HACD2: variants seen among roughly 807,000 people sequenced by gnomAD.
The protein encoded by HACD2 is 3-hydroxyacyl-CoA dehydratase 2.
Under a neutral mutation model 31.0 loss-of-function variants are expected in HACD2, and 15 were observed. The ratio of observed to expected loss-of-function variants is 0.48; its 90% CI spans 0.32 to 0.75. The LOEUF (loss-of-function observed/expected upper bound fraction) is 0.75. HACD2 is among the 30% of genes least tolerant of loss of function. HACD2 has a pLI of 0.03. For synonymous variants in HACD2, 115 were observed against 122.2 expected (o/e 0.94, Z 0.39); for missense variants, 283 against 313.0 (o/e 0.90, Z 0.72).
In HACD2 at chr3:123,533,700, C is replaced by T. The variant is rs544792813; in HGVS notation, c.293-5226G>A. Among the ~76,000 whole-genome samples the T allele has an allele frequency of 3.0e-4, 45 of 152,260 alleles. No homozygotes were observed. In the South Asian group the frequency reaches 4.1e-3, roughly 14 times the overall value. On this transcript the variant is annotated intron_variant, in intron 3 of 6. Coordinates refer to ENST00000383657, the MANE Select transcript of HACD2 (RefSeq NM_198402.5). ...ACTATTTGTTAATATTTGTGGAGCG[C>T]CTACTCTGTGCCAGATACCACTCTC...
At chr3:123,570,331 CATA>C (rs1475808011) in intron 2 of HACD2, among the ~76,000 whole-genome samples, 2 of 151,868 alleles carry the variant, frequency 1.3e-5, no homozygotes, top group South Asian at 2.1e-4. Flanking sequence ...TAAATGGGGA[CATA>C]ATGATGTAGT....
intron 3 of HACD2, among the ~76,000 whole-genome samples, chr3:123,541,271 A>G (rs1469985406): frequency 1.3e-5 from 2 of 151,960 alleles, no homozygotes; most frequent in African/African-American, 4.8e-5. Flanking sequence ...ACTCTGTCCA[A>G]AAAAAAAGCT....
At chr3:123,583,071 T>C (rs2078943692) in intron 1 of HACD2, among the ~76,000 whole-genome samples, 1 of 152,228 alleles carries the variant, frequency 6.6e-6, no homozygotes, top group Non-Finnish European at 1.5e-5. Context: ...GATAAATGTA[T>C]AGTATCAACT....
At chr3:123,543,737 C>A in intron 3 of HACD2, 1 of 379,378 alleles carries the variant, frequency 2.6e-6, no homozygotes, top group Non-Finnish European at 5.2e-6. Context: ...TGCATACAGA[C>A]CAGGTCTAAA....
chr3:123,552,850 C>T (rs374825222), intron 3 of HACD2, among the ~76,000 whole-genome samples: 2 of 151,716 alleles, frequency 1.3e-5, no homozygotes. Flanking sequence ...CAAAGGAGAA[C>T]AGATTCAAAT....
chr3:123,508,887 T>C (rs950405330), intron 4 of HACD2, among the ~76,000 whole-genome samples: 1 of 152,180 alleles, frequency 6.6e-6, no homozygotes, highest in Admixed American at 6.5e-5. Context: ...AGGGGTCTTT[T>C]CCTGACTTGC....
intron 4 of HACD2, among the ~76,000 whole-genome samples, chr3:123,527,761 C>T (rs373206855): frequency 6.6e-6 from 1 of 152,216 alleles, no homozygotes; most frequent in Non-Finnish European, 1.5e-5. Context: ...TGGTGAACCT[C>T]AAACTGCAAA....
intron 4 of HACD2, among the ~76,000 whole-genome samples, chr3:123,511,434 C>A (rs1043678855): frequency 6.6e-6 from 1 of 152,058 alleles, no homozygotes; most frequent in African/African-American, 2.4e-5. Flanking sequence ...GAACCCTATA[C>A]AAGAAGAGCC....
chr3:123,520,039 A>G (rs1289259872), intron 4 of HACD2, among the ~76,000 whole-genome samples: 1 of 152,196 alleles, frequency 6.6e-6, no homozygotes, highest in Non-Finnish European at 1.5e-5. Flanking sequence ...CAACAAAGGC[A>G]AACTTATCAG....
intron 4 of HACD2, among the ~76,000 whole-genome samples, chr3:123,511,587 G>A (rs901064319): frequency 6.6e-6 from 1 of 152,122 alleles, no homozygotes; most frequent in African/African-American, 2.4e-5. Context: ...GGTTCACCAA[G>A]AAAGACTGAG....
chr3:123,561,834 C>T (rs552509673), intron 3 of HACD2, among the ~76,000 whole-genome samples: 14 of 151,716 alleles, frequency 9.2e-5, no homozygotes, highest in South Asian at 4.2e-4. Context: ...TTTTTTGAGA[C>T]GGGGTCTCAC....
At chr3:123,556,161 G>A (rs903808055) in intron 3 of HACD2, among the ~76,000 whole-genome samples, 2 of 152,078 alleles carry the variant, frequency 1.3e-5, no homozygotes, top group African/African-American at 4.8e-5. Context: ...TTGAGGCCGG[G>A]TGAAGTGGCT....
intron 4 of HACD2, among the ~76,000 whole-genome samples, chr3:123,506,883 T>C (rs1576732074): frequency 6.6e-6 from 1 of 152,188 alleles, no homozygotes; most frequent in African/African-American, 2.4e-5. Context: ...GGGCAACGGA[T>C]TTGGATTATA....
rs201885124 is a variant in HACD2 at position 123,537,578 on chromosome 3, T to TACACACACACACAC, written c.293-9105_293-9104insGTGTGTGTGTGTGT. Among the ~76,000 whole-genome samples, 618 of 144,382 alleles carry TACACACACACACAC rather than the reference T, an allele frequency of 4.3e-3. 3 individuals are homozygous for TACACACACACACAC. Among genetic ancestry groups the TACACACACACACAC allele is most frequent in the Middle Eastern group, 0.018 (5 of 280 alleles). The allele number at this position is 144,382 out of a possible 152,430, so 94.7% of individuals were successfully genotyped here. On this transcript the variant is annotated intron_variant, in intron 3 of 6. Transcript: ENST00000383657. ...GACCCTATCTCAAAACAACAACAAA[T>TACACACACACACAC]ACACATACACACACACACACACACA... is the stretch of plus-strand genomic sequence containing the variant.
chr3:123,543,094 A>C lies in HACD2; in HGVS notation c.293-14620T>G, dbSNP rs576772785. On this transcript the variant is annotated intron_variant, in intron 3 of 6. Transcript: ENST00000383657. ...TCTGTATGAACAGAGGGCTGTATAA[A>C]GCAACAGGAAACACTAGCCCTCATT... Among the ~76,000 whole-genome samples, 29 of 152,348 alleles carry C rather than the reference A, an allele frequency of 1.9e-4. 1 individual carries two copies. The highest frequency in any genetic ancestry group is 1.4e-3 in the Admixed American group (22 of 15,306).
chr3:123,556,530 C>G (rs1427065324), intron 3 of HACD2, among the ~76,000 whole-genome samples: 1 of 151,694 alleles, frequency 6.6e-6, no homozygotes, highest in Non-Finnish European at 1.5e-5. Context: ...AAGATCAAAT[C>G]AGGGTAATCG....
At chr3:123,506,069 G>A (rs186077802) in intron 4 of HACD2, among the ~76,000 whole-genome samples, 3 of 152,370 alleles carry the variant, frequency 2.0e-5, no homozygotes, top group Admixed American at 1.3e-4. Flanking sequence ...CAGGCAAGGC[G>A]TGAAACGCTG....
chr3:123,503,191 G>A (rs948790038), intron 4 of HACD2, among the ~76,000 whole-genome samples: 9 of 151,862 alleles, frequency 5.9e-5, no homozygotes, highest in Admixed American at 1.3e-4. Flanking sequence ...CTTGAACCCG[G>A]GAGGCGGAGT....
At chr3:123,499,722 G>A (rs2055880037) in intron 6 of HACD2, 3 of 449,858 alleles carry the variant, frequency 6.7e-6, no homozygotes, top group Non-Finnish European at 1.3e-5. Context: ...ATAGCAAAAT[G>A]AGAAGAACCA....
Sources: gnomAD v4.1 joint callset for allele counts (sites outside exome capture counted in the v4.1 genomes callset) on GRCh38, gnomAD v4.1.1 for gene constraint, MANE v1.5 for transcripts, NCBI Gene and HGNC (gene_info 2026-07-23, HGNC 2026-07-21) for gene names.